Variants in FGB observed in about 807,000 individuals in gnomAD.
FGB encodes beta-fibrinogen.
FGB carries 25 observed loss-of-function variants against 57.9 expected under a neutral mutation model. The ratio of observed to expected loss-of-function variants is 0.43; its 90% CI spans 0.31 to 0.60. FGB has a LOEUF of 0.60. Ranked by LOEUF, FGB falls within the 20% of genes least tolerant of loss-of-function variation. The probability of loss-of-function intolerance (pLI) is 0.08; values close to 1 mark genes in which losing one functional copy is unlikely to be tolerated. For synonymous variants in FGB, 203 were observed against 199.2 expected, an observed-to-expected ratio of 1.02 and a Z score of -0.16; for missense variants, 536 against 598.4, an observed-to-expected ratio of 0.90 and a Z score of 1.09.
chr4:154,567,057 T>C (rs1410193702), intron 3 of FGB, among the ~76,000 whole-genome samples: 2 of 152,216 alleles, frequency 1.3e-5, no homozygotes, highest in Admixed American at 6.5e-5. Flanking sequence ...ACCTAACCTG[T>C]GAATCTTGAG....
chr4:154,566,000 G>T lies in FGB; in HGVS notation c.306+1G>T. 6.2e-7 allele frequency: 1 copy of T among 1,612,504 alleles called. No individual in the cohort carries two copies. The highest frequency in any genetic ancestry group is 8.5e-7 in the Non-Finnish European group (1 of 1,179,648). ...CTGTCTTCACGCTGACCCAGACCTG[G>T]TGGGTGCACTGATGTTTCTTGCAGT... On this transcript the variant is annotated splice_donor_variant, in intron 2 of 7. Transcript: ENST00000302068. LOFTEE classifies it high-confidence loss of function.
At chr4:154,569,093 G>T (rs1214238697) in intron 5 of FGB, 89 bp from the exon 6 acceptor site, 1 of 1,372,218 alleles carries the variant, frequency 7.3e-7, no homozygotes, top group South Asian at 1.2e-5. Flanking sequence ...TATACTAAAT[G>T]GAATGGACAG....
At chr4:154,563,506 T>C (rs1466303086) in intron 1 of FGB, among the ~76,000 whole-genome samples, 1 of 151,850 alleles carries the variant, frequency 6.6e-6, no homozygotes, top group East Asian at 1.9e-4. Flanking sequence ...GAGCAGAATT[T>C]TAAGATAAAA....
intron 5 of FGB, 105 bp from the exon 6 acceptor site, chr4:154,569,077 C>A (rs1730299275): frequency 1.6e-6 from 2 of 1,282,708 alleles, no homozygotes; most frequent in East Asian, 4.6e-5. Flanking sequence ...TTTAGAGCAC[C>A]AAATATATAC....
rs764555923 is a variant in FGB, at chr4:154,570,483, T to C, written c.1309T>C (p.Cys437Arg). 2 of 1,614,140 alleles carry C rather than the reference T, an allele frequency of 1.2e-6. No homozygotes were observed. The highest frequency in any genetic ancestry group is 3.3e-5 in the Admixed American group (2 of 60,014). The change falls in exon 8 of 8, where the codon TGT (cysteine) becomes CGT (arginine). Residue 437 changes from cysteine to arginine, a missense_variant. Transcript: ENST00000302068. Reference protein sequence around the residue: ...EDGGGWWYNRCHAANPNGRYY... With the variant: ...EDGGGWWYNRRHAANPNGRYY... Reference sequence around the variant, plus strand: ...CGGTGGTGGATGGTGGTATAATAGATGTCATGCAGCCAATCCAAACGGCAG... The same window carrying C: ...CGGTGGTGGATGGTGGTATAATAGACGTCATGCAGCCAATCCAAACGGCAG...
Position 154,571,106 on chromosome 4 carries a change from G to A in FGB, c.*456G>A. ...CAATAAGTTAATGTTTTCTTGTTTT[G>A]TAATCCACACATTCAATGAGTTAGG... is the stretch of plus-strand genomic sequence containing the variant. On this transcript the variant is annotated 3_prime_UTR_variant, in exon 8 of 8. Coordinates refer to ENST00000302068, the MANE Select transcript of FGB (RefSeq NM_005141.5). The A allele has an allele frequency of 3.8e-6, 1 of 262,550 alleles. No individual in the cohort carries two copies. The highest frequency in any genetic ancestry group is 4.3e-5 in the South Asian group (1 of 23,414). 16.3% of individuals were successfully genotyped at this position (262,550 alleles called of 1,614,324 possible).
intron 1 of FGB, 39 bp from the exon 2 acceptor site, chr4:154,565,769 A>G (rs751472849): frequency 6.3e-6 from 10 of 1,590,652 alleles, no homozygotes; most frequent in Middle Eastern, 1.7e-4. Flanking sequence ...CAAATCTTCT[A>G]TAACACTCTG....
At chr4:154,567,991 G>A (rs1042765231) in intron 4 of FGB, 171 bp downstream of exon 4, 1 of 682,268 alleles carries the variant, frequency 1.5e-6, no homozygotes, top group Non-Finnish European at 2.6e-6. Flanking sequence ...GACTGGCCTG[G>A]TGCATTTGCT....
At chr4:154,567,158 G>T (rs1004466525) in intron 3 of FGB, among the ~76,000 whole-genome samples, 1 of 152,152 alleles carries the variant, frequency 6.6e-6, no homozygotes, top group Admixed American at 6.6e-5. Flanking sequence ...CATACCCACA[G>T]TTGGAAATTT....
At position 154,569,189 on chromosome 4, in the gene FGB, A is replaced by T; in HGVS notation, c.840A>T (p.Thr280=). ...CDMNTENGGW[T]VIQNRQDGSV... Reference sequence around the variant, plus strand: ...TGTTTCTGTCAACCAAAGGATGGACAGTGATTCAGAACCGTCAAGACGGTA... The same window carrying T: ...TGTTTCTGTCAACCAAAGGATGGACTGTGATTCAGAACCGTCAAGACGGTA... Residue 280 remains threonine, a synonymous_variant, in exon 6 of 8, where the codon ACA becomes ACT. Coordinates refer to ENST00000302068, the MANE Select transcript of FGB (RefSeq NM_005141.5). 4 of 1,614,180 alleles carry T rather than the reference A, an allele frequency of 2.5e-6. No individual in the cohort carries two copies. Among genetic ancestry groups the T allele is most frequent in the Non-Finnish European group, 3.4e-6 (4 of 1,180,004 alleles).
chr4:154,572,302 T>C lies in FGB; in HGVS notation c.*1652T>C, dbSNP rs1730461772. Among the ~76,000 whole-genome samples the C allele has an allele frequency of 6.6e-6, 1 of 152,156 alleles. No individual in the cohort carries two copies. The highest frequency in any genetic ancestry group is 2.4e-5 in the African/African-American group (1 of 41,420). On this transcript the variant is annotated 3_prime_UTR_variant, in exon 8 of 8. Transcript: ENST00000302068. ...GCACATGTGTCATGCTGGAGCCCTATTGATTCCAACAGGGATGGCGCCTTG... is the reference window on the plus strand; with the variant it reads ...GCACATGTGTCATGCTGGAGCCCTACTGATTCCAACAGGGATGGCGCCTTG...
chr4:154,563,143 T>C lies in FGB; in HGVS notation c.114+11T>C. ...AACGACAATGAGGAGGTGAATTTTT[T>C]AAAGCATTATTATATTATTAGTAGT... is the stretch of plus-strand genomic sequence containing the variant. On this transcript the variant is annotated intron_variant, in intron 1 of 7. Coordinates refer to ENST00000302068, the MANE Select transcript of FGB (RefSeq NM_005141.5). The C allele has an allele frequency of 1.8e-6, 2 of 1,139,816 alleles. No individual in the cohort carries two copies. The highest frequency in any genetic ancestry group is 2.6e-6 in the Non-Finnish European group (2 of 774,682). 70.6% of individuals were successfully genotyped at this position (1,139,816 alleles called of 1,614,324 possible).
At position 154,568,494 on chromosome 4, in the gene FGB, G is replaced by A; in HGVS notation, c.832G>A (p.Gly278Arg). 1 of 1,489,702 alleles carries A rather than the reference G, an allele frequency of 6.7e-7. No individual in the cohort carries two copies. Among genetic ancestry groups the A allele is most frequent in the Non-Finnish European group, 9.4e-7 (1 of 1,066,708 alleles). The allele number at this position is 1,489,702 out of a possible 1,614,324, so 92.3% of individuals were successfully genotyped here. Residue 278 changes from glycine (G) to arginine (R), a missense_variant and splice_region_variant, in exon 5 of 8, where the codon GGA (glycine) becomes AGA (arginine). Physicochemically the swap from Gly to Arg is moderately radical, Grantham distance 125. Around this residue, in one of 3 missense-constraint regions of FGB, gnomAD observed 354 missense variants for 383.4 expected, o/e 0.92. Coordinates refer to ENST00000302068, the MANE Select transcript of FGB (RefSeq NM_005141.5). ...CTGTGACATGAATACAGAAAATGGA[G>A]GTAAGCTTTCGACAGTTGTTGACCT... Reference protein sequence around the residue: ...VYCDMNTENGGWTVIQNRQDG... With the variant: ...VYCDMNTENGRWTVIQNRQDG...
Position 154,567,660 on chromosome 4 carries a change from T to C in FGB, c.558T>C (p.Thr186=). The C allele has an allele frequency of 1.2e-6, 2 of 1,613,356 alleles. No individual in the cohort carries two copies. Among genetic ancestry groups the C allele is most frequent in the African/African-American group, 1.3e-5 (1 of 75,036 alleles). Residue 186 remains threonine (T), a synonymous_variant, in exon 4 of 8, where the codon ACT becomes ACC. Coordinates refer to ENST00000302068, the MANE Select transcript of FGB (RefSeq NM_005141.5). The part of the protein sequence containing the change: ...LEKHQLYIDE[T]VNSNIPTNLR... Reference sequence around the variant, plus strand: ...AGCACCAATTATATATAGATGAGACTGTGAATAGCAATATCCCAACTAACC... The same window carrying C: ...AGCACCAATTATATATAGATGAGACCGTGAATAGCAATATCCCAACTAACC...
chr4:154,571,821 A>G lies in FGB; in HGVS notation c.*1171A>G, dbSNP rs1730440539. Among the ~76,000 whole-genome samples the G allele has an allele frequency of 1.3e-5, 2 of 152,178 alleles. No homozygotes were observed. The highest frequency in any genetic ancestry group is 4.8e-5 in the African/African-American group (2 of 41,444). Reference sequence around the variant, plus strand: ...ACCCTAGGTCCTCCACCCCTAATGTATCATCATTGCCACCCATTTTTATGG... The same window carrying G: ...ACCCTAGGTCCTCCACCCCTAATGTGTCATCATTGCCACCCATTTTTATGG... On this transcript the variant is annotated 3_prime_UTR_variant, in exon 8 of 8. Coordinates refer to ENST00000302068, the MANE Select transcript of FGB (RefSeq NM_005141.5).
chr4:154,568,769 T>C (rs917017487), intron 5 of FGB, among the ~76,000 whole-genome samples: 3 of 150,014 alleles, frequency 2.0e-5, no homozygotes, highest in Non-Finnish European at 4.4e-5. Context: ...GAGGCTGAGA[T>C]GGGAGATCAC....
In FGB at chr4:154,571,033, T is replaced by C. The variant is rs1366509219; in HGVS notation, c.*383T>C. On this transcript the variant is annotated 3_prime_UTR_variant, in exon 8 of 8. Transcript: ENST00000302068. ...ACTATATTTATTTATGTAGGATCTG[T>C]CAAAGAAAACTTCCAAAAAGATTTA... The C allele has an allele frequency of 3.4e-6, 1 of 295,636 alleles. No individual in the cohort carries two copies. The highest frequency in any genetic ancestry group is 2.2e-5 in the African/African-American group (1 of 44,812). 18.3% of individuals were successfully genotyped at this position (295,636 alleles called of 1,614,324 possible).
chr4:154,568,343 C>A, intron 4 of FGB, 38 bp from the exon 5 acceptor site: 2 of 1,058,558 alleles, frequency 1.9e-6, no homozygotes, highest in South Asian at 1.2e-5. Flanking sequence ...GTAATTATGT[C>A]ATAAACCCCT....
At chr4:154,569,927 A>G in intron 7 of FGB, 128 bp downstream of exon 7, 2 of 929,930 alleles carry the variant, frequency 2.2e-6, no homozygotes, top group South Asian at 2.8e-5. Context: ...TAAGCTCTTT[A>G]TGCATCACTC....
Sources: allele counts gnomAD v4.1 joint callset (sites outside exome capture counted in the v4.1 genomes callset), GRCh38; gene constraint gnomAD v4.1.1; regional missense constraint gnomAD v4.1.1; transcripts MANE v1.5; gene names NCBI Gene and HGNC (gene_info 2026-07-23, HGNC 2026-07-21).